The following ZZEF1 variants were observed in gnomAD, a reference collection of about 807,000 sequenced individuals.
ZZEF1 encodes the protein zinc finger ZZ-type and EF-hand domain containing 1, also known as zinc finger ZZ-type and EF-hand domain-containing protein 1.
A neutral mutation model predicts 342.8 loss-of-function variants in ZZEF1; 157 were observed. The observed-to-expected ratio is 0.46, with a 90% CI of 0.40 to 0.52. The LOEUF (loss-of-function observed/expected upper bound fraction) is 0.52. Among genes scored for constraint, ZZEF1 ranks in the 20% least tolerant of loss-of-function variants. The probability of loss-of-function intolerance (pLI) is 0.00; values close to 1 mark genes in which losing one functional copy is unlikely to be tolerated. For synonymous variants in ZZEF1, 1,505 were observed against 1,429.1 expected (o/e 1.05, Z -1.20); for missense variants, 3,480 against 3,725.6 (o/e 0.93, Z 1.72).
chr17:4,105,878 T>C, intron 6 of ZZEF1, 69 bp from the exon 7 acceptor site: 12 of 1,308,172 alleles, frequency 9.2e-6, no homozygotes, highest in Admixed American at 2.2e-5. Flanking sequence ...AATAAACTGT[T>C]AGAAGCTTGT....
chr17:4,047,505 T>C (rs763831938), intron 37 of ZZEF1, among the ~76,000 whole-genome samples: 5 of 152,150 alleles, frequency 3.3e-5, no homozygotes, highest in Non-Finnish European at 5.9e-5. Flanking sequence ...TTAGCTGGCA[T>C]GGTGGCATAC....
intron 5 of ZZEF1, among the ~76,000 whole-genome samples, chr17:4,111,564 C>T (rs1023607511): frequency 1.3e-5 from 2 of 150,334 alleles, no homozygotes. Context: ...GAGACTAAGG[C>T]AGGAGAATTG....
chr17:4,041,592 G>C (rs191712830), intron 39 of ZZEF1, among the ~76,000 whole-genome samples: 1 of 152,286 alleles, frequency 6.6e-6, no homozygotes, highest in African/African-American at 2.4e-5. Context: ...CTACTGTAAA[G>C]ATTGTCAGCT....
chr17:4,106,337 G>T (rs1191206832), intron 6 of ZZEF1, among the ~76,000 whole-genome samples: 1 of 151,958 alleles, frequency 6.6e-6, no homozygotes, highest in East Asian at 1.9e-4. Context: ...TAGGAGTTCT[G>T]CCTCCCTCTG....
chr17:4,073,959 C>T (rs563564147), intron 24 of ZZEF1, among the ~76,000 whole-genome samples, 191 bp downstream of exon 24: 1 of 151,972 alleles, frequency 6.6e-6, no homozygotes, highest in African/African-American at 2.4e-5. Flanking sequence ...CTGCTATGTT[C>T]CAAAGTCTAA....
At chr17:4,065,955 A>AC (rs2057383426) in intron 28 of ZZEF1, among the ~76,000 whole-genome samples, 1 of 151,960 alleles carries the variant, frequency 6.6e-6, no homozygotes. Flanking sequence ...ACACAGTGAG[A>AC]CCCCTTCTCT....
chr17:4,083,029 GC>G (rs2057753282), intron 16 of ZZEF1, among the ~76,000 whole-genome samples: 1 of 152,142 alleles, frequency 6.6e-6, no homozygotes, highest in Non-Finnish European at 1.5e-5. Context: ...ACCCACCTCT[GC>G]CTCCCAAAGT....
rs554852817 is a variant in ZZEF1 at position 4,137,333 on chromosome 17, A to G, written c.354+5209T>C. 3.0e-4 allele frequency among the ~76,000 whole-genome samples: 45 copies of G among 152,346 alleles called. No individual in the cohort carries two copies. The South Asian group carries it at 6.4e-3, about 22-fold the overall frequency. On this transcript the variant is annotated intron_variant, in intron 1 of 54. Transcript: ENST00000381638. ...AAGCAAAAATAATCTCCACTCGGCC[A>G]GGTGCGATGGCTCATGCCTGTAATC...
At position 4,051,020 on chromosome 17, in the gene ZZEF1, G is replaced by A. The variant is rs1187816567; in HGVS notation, c.5624C>T (p.Thr1875Met). 8.1e-6 allele frequency: 13 copies of A among 1,614,044 alleles called. No individual in the cohort carries two copies. Among genetic ancestry groups the A allele is most frequent in the East Asian group, 4.5e-5 (2 of 44,900 alleles). The change falls in exon 36 of 55, where the codon ACG becomes ATG. Residue 1875 changes from threonine (T) to methionine (M), a missense_variant. Thr to Met is a moderately conservative substitution (Grantham distance 81, BLOSUM62 -1). Around this residue, in one of 5 missense-constraint regions of ZZEF1, gnomAD observed 175 missense variants for 254.6 expected, o/e 0.69. Transcript: ENST00000381638. ...CCGAATGGTTACCATTGGGTGGGCCGTGATGCTGTGGGTAGGCAAATGGCT... is the reference window on the plus strand; with the variant it reads ...CCGAATGGTTACCATTGGGTGGGCCATGATGCTGTGGGTAGGCAAATGGCT... Reference protein sequence around the residue: ...SYGHLPTHSITAHPMVTIRIS... With the variant: ...SYGHLPTHSIMAHPMVTIRIS...
In ZZEF1 at chr17:4,034,303, A is replaced by G; in HGVS notation, c.6307-11T>C. 6.2e-7 allele frequency: 1 copy of G among 1,613,658 alleles called. No individual in the cohort carries two copies. Among genetic ancestry groups the G allele is most frequent in the Non-Finnish European group, 8.5e-7 (1 of 1,179,606 alleles). On this transcript the variant is annotated splice_polypyrimidine_tract_variant and intron_variant, in intron 39 of 54. Coordinates refer to ENST00000381638, the MANE Select transcript of ZZEF1 (RefSeq NM_015113.4). ...GGGAACCGTGGGGCCCTGCCAAGAG[A>G]GGGAGAGAAATCTGTTCAGTACAAA...
chr17:4,060,532 C>A (rs1431518278), intron 30 of ZZEF1, among the ~76,000 whole-genome samples: 1 of 141,772 alleles, frequency 7.1e-6, no homozygotes. Flanking sequence ...CTGGGTGACA[C>A]AGCGAAACTC....
rs746073093 is a variant in ZZEF1 at position 4,025,074 on chromosome 17, C to G, written c.6937G>C (p.Gly2313Arg). The stretch of plus-strand genomic sequence containing the variant: ...TGGCTCAGCTGGGCCCGAGAGTCAC[C>G]ACACTCTTGTCCTCCTCCCTTCTGG... ...LVQKGGGQEC[G>R]DSRAQLSQYS... The change falls in exon 43 of 55, where the codon GGT becomes CGT. Residue 2313 changes from glycine (G) to arginine (R), a missense_variant. Transcript: ENST00000381638. The G allele has an allele frequency of 1.2e-6, 2 of 1,614,160 alleles. No individual in the cohort carries two copies. The highest frequency in any genetic ancestry group is 8.5e-7 in the Non-Finnish European group (1 of 1,180,024).
intron 18 of ZZEF1, among the ~76,000 whole-genome samples, chr17:4,078,268 T>C (rs902584157): frequency 2.8e-4 from 42 of 152,190 alleles, no homozygotes; most frequent in Non-Finnish European, 4.6e-4. Context: ...TTATTCCACA[T>C]GACATCTCCT....
intron 2 of ZZEF1, among the ~76,000 whole-genome samples, chr17:4,120,770 G>A (rs1474212960): frequency 6.6e-6 from 1 of 152,154 alleles, no homozygotes; most frequent in Non-Finnish European, 1.5e-5. Flanking sequence ...GCAAAACGTT[G>A]TATCTATGTT....
At chr17:4,096,041 T>C in intron 10 of ZZEF1, 62 bp from the exon 11 acceptor site, 1 of 1,518,306 alleles carries the variant, frequency 6.6e-7, no homozygotes, top group Non-Finnish European at 8.9e-7. Context: ...CCGTTTTGTT[T>C]CCAGCATGGT....
At chr17:4,141,637 G>A (rs2058850717) in intron 1 of ZZEF1, among the ~76,000 whole-genome samples, 1 of 151,946 alleles carries the variant, frequency 6.6e-6, no homozygotes, top group Non-Finnish European at 1.5e-5. Flanking sequence ...AAACCACCAT[G>A]GCACACGTTT....
At position 4,034,085 on chromosome 17, in the gene ZZEF1, T is replaced by C. The variant is rs755656173; in HGVS notation, c.6514A>G (p.Ser2172Gly). The C allele has an allele frequency of 3.1e-6, 5 of 1,614,094 alleles. No individual in the cohort carries two copies. In the Admixed American group the frequency reaches 8.3e-5, roughly 27 times the overall value. The part of the protein sequence containing the change: ...AKHNLFAAGD[S>G]SIVPDGWKTT... ...TTCCAGCCATCTGGCACAATGGAAC[T>C]GTCCCCTGCAGCAAACAGGTTGTGT... Residue 2172 changes from serine (S) to glycine (G), a missense_variant, in exon 40 of 55, where the codon AGT becomes GGT. Coordinates refer to ENST00000381638, the MANE Select transcript of ZZEF1 (RefSeq NM_015113.4).
At position 4,014,751 on chromosome 17, in the gene ZZEF1, G is replaced by A. The variant is rs2056057800; in HGVS notation, c.8146-236C>T. ...CGGGGCCCCAGAGAAAGAGTGTCAG[G>A]CTGCTGTGAAGAGTGAAGAGGACAG... On this transcript the variant is annotated intron_variant, in intron 49 of 54. Transcript: ENST00000381638. The surrounding 1 kb of genome is among the most constrained non-coding windows in gnomAD (Gnocchi z 4.4). 6.6e-6 allele frequency among the ~76,000 whole-genome samples: 1 copy of A among 152,168 alleles called. No individual in the cohort carries two copies. Among genetic ancestry groups the A allele is most frequent in the African/African-American group, 2.4e-5 (1 of 41,432 alleles).
At chr17:4,139,690 G>A (rs2145628790) in intron 1 of ZZEF1, among the ~76,000 whole-genome samples, 1 of 152,318 alleles carries the variant, frequency 6.6e-6, no homozygotes, top group South Asian at 2.1e-4. Context: ...GCCATCACAA[G>A]ATTATCATGA....
Sources: gnomAD v4.1 joint callset for allele counts (sites outside exome capture counted in the v4.1 genomes callset) on GRCh38, gnomAD v4.1.1 for gene constraint, gnomAD v4.1.1 regional missense constraint, Gnocchi (gnomAD v3.1) non-coding constraint, MANE v1.5 for transcripts, NCBI Gene and HGNC (gene_info 2026-07-23, HGNC 2026-07-21) for gene names.